ZNF316: variants seen among roughly 807,000 people sequenced by gnomAD.
The protein encoded by ZNF316 is zinc finger protein 316.
ZNF316 carries 23 observed loss-of-function variants against 75.6 expected under a neutral mutation model. That is an observed-to-expected ratio of 0.30 (90% confidence interval 0.22 to 0.43). The LOEUF is 0.43. Ranked by LOEUF, ZNF316 falls within the 20% of genes least tolerant of loss-of-function variation. ZNF316 has a pLI of 1.00. For missense variants in ZNF316, 1,266 were observed against 1,409.4 expected, an observed-to-expected ratio of 0.90 and a Z score of 1.63; for synonymous variants, 827 against 666.2, an observed-to-expected ratio of 1.24 and a Z score of -3.72.
chr7:6,644,918 C>T (rs1482970815), intron 8 of ZNF316, among the ~76,000 whole-genome samples: 6 of 152,236 alleles, frequency 3.9e-5, no homozygotes, highest in African/African-American at 9.6e-5. Context: ...CACGCCATCG[C>T]GGAGGCCTTT....
rs2462659 is a variant in ZNF316, at chr7:6,654,683, C to T, written c.*72C>T. ...TCCCTTGGACGGCCGGCCCCCCGCT[C>T]CTCGGGCCCCGGGAGGCTGAGGGTC... On this transcript the variant is annotated 3_prime_UTR_variant, in exon 9 of 9. Coordinates refer to ENST00000382252, the MANE Select transcript of ZNF316 (RefSeq NM_001278559.2). 0.016 allele frequency: 18,292 copies of T among 1,125,670 alleles called. 2,387 individuals carry two copies. The East Asian group carries it at 0.38, about 24-fold the overall frequency. The allele number at this position is 1,125,670 out of a possible 1,614,324, so 69.7% of individuals were successfully genotyped here.
chr7:6,643,080 C>A lies in ZNF316; in HGVS notation c.465+7C>A. ...GCTGACGGCTGGGTGTCAGGTGAGC[C>A]GCCCTCTCCGTTTGGGGCTTGGGTA... is the stretch of plus-strand genomic sequence containing the variant. On this transcript the variant is annotated splice_region_variant and intron_variant, in intron 6 of 8. Coordinates refer to ENST00000382252, the MANE Select transcript of ZNF316 (RefSeq NM_001278559.2). 1 of 1,234,432 alleles carries A rather than the reference C, an allele frequency of 8.1e-7. No homozygotes were observed. The allele number at this position is 1,234,432 out of a possible 1,614,324, so 76.5% of individuals were successfully genotyped here. A position where few individuals can be genotyped will look rare whatever the true frequency, so the allele number is the denominator to read the frequency against.
chr7:6,657,311 CAAAAAAAAAAAA>C lies in ZNF316; in HGVS notation c.*2716_*2727del, dbSNP rs33942632. Among the ~76,000 whole-genome samples the C allele has an allele frequency of 4.6e-5, 3 of 65,204 alleles. No individual in the cohort carries two copies. Among genetic ancestry groups the C allele is most frequent in the Admixed American group, 2.1e-4 (1 of 4,798 alleles). The allele number at this position is 65,204 out of a possible 152,430, so 42.8% of individuals were successfully genotyped here. ...GCCCGGCCAGAGCAACCTAATATTT[CAAAAAAAAAAAA>C]AAAAAAAAAAAAAAAGCCGGGCATA... On this transcript the variant is annotated 3_prime_UTR_variant, in exon 9 of 9. Coordinates refer to ENST00000382252, the MANE Select transcript of ZNF316 (RefSeq NM_001278559.2).
chr7:6,644,518 G>C lies in ZNF316; in HGVS notation c.631G>C (p.Glu211Gln), dbSNP rs771838639. The C allele has an allele frequency of 4.9e-6, 6 of 1,232,276 alleles. No individual in the cohort carries two copies. Among genetic ancestry groups the C allele is most frequent in the Non-Finnish European group, 6.1e-6 (6 of 988,008 alleles). 76.3% of individuals were successfully genotyped at this position (1,232,276 alleles called of 1,614,324 possible). Residue 211 changes from glutamate to glutamine, a missense_variant, in exon 8 of 9, where the codon GAA (glutamate) becomes CAA (glutamine). Coordinates refer to ENST00000382252, the MANE Select transcript of ZNF316 (RefSeq NM_001278559.2). The part of the protein sequence containing the change: ...IPKPDLIFRL[E>Q]QGEEPWVPDS... ...CAAGCCCGATCTGATCTTCCGGCTG[G>C]AACAAGGGGAAGAACCTTGGGTCCC...
chr7:6,654,252 C>T lies in ZNF316; in HGVS notation c.2656C>T (p.Pro886Ser). 2 of 1,223,102 alleles carry T rather than the reference C, an allele frequency of 1.6e-6. No individual in the cohort carries two copies. Among genetic ancestry groups the T allele is most frequent in the South Asian group, 3.9e-5 (1 of 25,418 alleles). The allele number at this position is 1,223,102 out of a possible 1,614,324, so 75.8% of individuals were successfully genotyped here. A position where few individuals can be genotyped will look rare whatever the true frequency, so the allele number is the denominator to read the frequency against. The change falls in exon 9 of 9, where the codon CCC (proline) becomes TCC (serine). Residue 886 changes from proline to serine, a missense_variant. Transcript: ENST00000382252. ...KHRRGHTGERPFPCPECGKRF... is the reference protein window; with the variant it reads ...KHRRGHTGERSFPCPECGKRF... ...CCGGCGCGGCCACACGGGCGAACGC[C>T]CCTTCCCGTGCCCTGAGTGCGGCAA...
intron 8 of ZNF316, among the ~76,000 whole-genome samples, chr7:6,650,549 G>A (rs955356204): frequency 6.6e-6 from 1 of 152,208 alleles, no homozygotes; most frequent in African/African-American, 2.4e-5. Flanking sequence ...GGACGAGGCA[G>A]TGCCAAGGGC....
rs978134063 is a variant in ZNF316 at position 6,647,587 on chromosome 7, C to T, written c.706+2994C>T. 5.3e-5 allele frequency among the ~76,000 whole-genome samples: 8 copies of T among 152,314 alleles called. No homozygotes were observed. In the South Asian group the frequency reaches 6.2e-4, roughly 12 times the overall value. ...ACTCGGAACTGACTTCCACAGCCTG[C>T]GCTCCAGGCCAGGCCCCAGTGGATG... On this transcript the variant is annotated intron_variant, in intron 8 of 8. Transcript: ENST00000382252.
At chr7:6,643,553 G>T (rs527970802) in intron 6 of ZNF316, among the ~76,000 whole-genome samples, 1 of 152,358 alleles carries the variant, frequency 6.6e-6, no homozygotes, top group South Asian at 2.1e-4. Flanking sequence ...GGGGACTGGG[G>T]GCGGGGCTCC....
rs1338441593 is a variant in ZNF316, at chr7:6,637,662, C to T, written c.-430-184C>T. Among the ~76,000 whole-genome samples the T allele has an allele frequency of 1.3e-5, 2 of 151,016 alleles. No individual in the cohort carries two copies. The highest frequency in any genetic ancestry group is 2.1e-4 in the South Asian group (1 of 4,824). ...GGCAGCGCCCCCGCCTCCCGGACCC[C>T]CGTCCGGGCCTGCGCGTTGCCGACC... On this transcript the variant is annotated intron_variant, in intron 1 of 8. Coordinates refer to ENST00000382252, the MANE Select transcript of ZNF316 (RefSeq NM_001278559.2). This position sits in a 1 kb window ranked among gnomAD's most constrained non-coding sequence, Gnocchi z 6.2.
rs907333624 is a variant in ZNF316 at position 6,658,005 on chromosome 7, T to G, written c.*3394T>G. On this transcript the variant is annotated 3_prime_UTR_variant, in exon 9 of 9. Transcript: ENST00000382252. ...CAAGGAGGAATTAAACCCTAGTGACTTGTGAAATGTGAGTCACGAAAGGTG... is the reference window on the plus strand; with the variant it reads ...CAAGGAGGAATTAAACCCTAGTGACGTGTGAAATGTGAGTCACGAAAGGTG... Among the ~76,000 whole-genome samples, 1 of 152,176 alleles carries G rather than the reference T, an allele frequency of 6.6e-6. No homozygotes were observed. Among genetic ancestry groups the G allele is most frequent in the Non-Finnish European group, 1.5e-5 (1 of 68,026 alleles).
At position 6,652,664 on chromosome 7, in the gene ZNF316, C is replaced by T; in HGVS notation, c.1068C>T (p.His356=). 1.6e-6 allele frequency: 2 copies of T among 1,232,274 alleles called. No homozygotes were observed. Among genetic ancestry groups the T allele is most frequent in the Admixed American group, 8.4e-5 (2 of 23,690 alleles). The allele number at this position is 1,232,274 out of a possible 1,614,324, so 76.3% of individuals were successfully genotyped here. The change falls in exon 9 of 9, where the codon CAC becomes CAT. Residue 356 remains histidine, a synonymous_variant. Transcript: ENST00000382252. ...TCDVCGKVFP[H]RSRLAKHQRY... Reference sequence around the variant, plus strand: ...ACGTGTGCGGCAAGGTCTTCCCGCACCGCTCGCGGCTGGCCAAGCACCAGC... The same window carrying T: ...ACGTGTGCGGCAAGGTCTTCCCGCATCGCTCGCGGCTGGCCAAGCACCAGC...
intron 8 of ZNF316, among the ~76,000 whole-genome samples, chr7:6,649,437 C>G: frequency 6.6e-6 from 1 of 152,228 alleles, no homozygotes; most frequent in South Asian, 2.1e-4. Flanking sequence ...CCTGTTGCCC[C>G]GGCTTGGGTC....
intron 8 of ZNF316, among the ~76,000 whole-genome samples, chr7:6,646,833 CA>C: frequency 6.6e-6 from 1 of 152,244 alleles, no homozygotes; most frequent in South Asian, 2.1e-4. Flanking sequence ...TGGAGTCTTG[CA>C]AGAGCCAAGT....
rs1779564937 is a variant in ZNF316, at chr7:6,653,768, C to T, written c.2172C>T (p.Cys724=). ...AGERPHRCAD[C]GKSFVYGSHL... is the part of the protein sequence containing the mutation. ...AGCGGCCGCATCGCTGCGCCGACTG[C>T]GGCAAGAGCTTCGTGTACGGCTCGC... is the stretch of plus-strand genomic sequence containing the variant. Residue 724 remains cysteine (C), a synonymous_variant, in exon 9 of 9, where the codon TGC becomes TGT. Coordinates refer to ENST00000382252, the MANE Select transcript of ZNF316 (RefSeq NM_001278559.2). 2 of 1,090,988 alleles carry T rather than the reference C, an allele frequency of 1.8e-6. No individual in the cohort carries two copies. The highest frequency in any genetic ancestry group is 4.3e-5 in the South Asian group (1 of 23,292). The allele number at this position is 1,090,988 out of a possible 1,614,324, so 67.6% of individuals were successfully genotyped here.
rs1779241939 is a variant in ZNF316 at position 6,637,782 on chromosome 7, G to T, written c.-430-64G>T. The T allele has an allele frequency of 6.6e-6, 1 of 152,122 alleles. No individual in the cohort carries two copies. Among genetic ancestry groups the T allele is most frequent in the South Asian group, 2.1e-4 (1 of 4,838 alleles). 9.4% of individuals were successfully genotyped at this position (152,122 alleles called of 1,614,324 possible). On this transcript the variant is annotated intron_variant, in intron 1 of 8. Transcript: ENST00000382252. The surrounding 1 kb of genome is among the most constrained non-coding windows in gnomAD (Gnocchi z 6.2). ...CCGCCCACGCCTTCTCGGCCGCAGCGGCAGGGGCTGGGCCGCGGCCGCCCC... is the reference window on the plus strand; with the variant it reads ...CCGCCCACGCCTTCTCGGCCGCAGCTGCAGGGGCTGGGCCGCGGCCGCCCC...
At chr7:6,644,063 G>T (rs1035160343) in intron 7 of ZNF316, 115 bp downstream of exon 7, 16 of 1,137,080 alleles carry the variant, frequency 1.4e-5, no homozygotes, top group Non-Finnish European at 1.7e-5. Context: ...GTGGATGCTG[G>T]GCCCAGCCCA....
At position 6,657,103 on chromosome 7, in the gene ZNF316, C is replaced by T. The variant is rs1779641350; in HGVS notation, c.*2492C>T. Among the ~76,000 whole-genome samples, 2 of 152,168 alleles carry T rather than the reference C, an allele frequency of 1.3e-5. No individual in the cohort carries two copies. The highest frequency in any genetic ancestry group is 1.9e-4 in the East Asian group (1 of 5,160). ...CTGCCTCCCAGGTTCAAGCGATTCTCCTGCCTCAGACTGCCGAGTAGCTGG... is the reference window on the plus strand; with the variant it reads ...CTGCCTCCCAGGTTCAAGCGATTCTTCTGCCTCAGACTGCCGAGTAGCTGG... On this transcript the variant is annotated 3_prime_UTR_variant, in exon 9 of 9. Coordinates refer to ENST00000382252, the MANE Select transcript of ZNF316 (RefSeq NM_001278559.2).
chr7:6,641,203 G>A (rs546572150), intron 3 of ZNF316, among the ~76,000 whole-genome samples: 2 of 152,342 alleles, frequency 1.3e-5, no homozygotes, highest in South Asian at 4.1e-4. Flanking sequence ...TCCACTGCTC[G>A]AGCTGGATGA....
intron 8 of ZNF316, among the ~76,000 whole-genome samples, chr7:6,647,965 A>T (rs1359147710): frequency 6.6e-6 from 1 of 152,104 alleles, no homozygotes; most frequent in Non-Finnish European, 1.5e-5. Context: ...CACTTACCAG[A>T]CTGTTCTGGG....
Sources: gnomAD v4.1 joint callset for allele counts (sites outside exome capture counted in the v4.1 genomes callset) on GRCh38, gnomAD v4.1.1 for gene constraint, Gnocchi (gnomAD v3.1) non-coding constraint, MANE v1.5 for transcripts, NCBI Gene and HGNC (gene_info 2026-07-23, HGNC 2026-07-21) for gene names.